Variants in PSMG2 observed in about 807,000 individuals in gnomAD.
The protein encoded by PSMG2 is CD40 ligand-activated specific transcript 3.
Under a neutral mutation model 31.5 loss-of-function variants are expected in PSMG2, and 21 were observed. The ratio of observed to expected loss-of-function variants is 0.67; its 90% CI spans 0.47 to 0.96. PSMG2 has a LOEUF of 0.96. Among genes scored for constraint, PSMG2 ranks in the 40% least tolerant of loss-of-function variants. The probability of loss-of-function intolerance (pLI) is 0.00; values close to 1 mark genes in which losing one functional copy is unlikely to be tolerated. For missense variants in PSMG2, 318 were observed against 321.2 expected (o/e 0.99, Z 0.08); for synonymous variants, 120 against 110.4 (o/e 1.09, Z -0.54).
At chr18:12,707,281 T>C (rs2040278750) in intron 2 of PSMG2, among the ~76,000 whole-genome samples, 1 of 152,168 alleles carries the variant, frequency 6.6e-6, no homozygotes, top group South Asian at 2.1e-4. Flanking sequence ...TTTCTAGAAT[T>C]TTTAAATTTC....
Position 12,676,077 on chromosome 18 carries a change from T to A in PSMG2, c.-37+17304T>A, listed in dbSNP as rs559682009. 2.8e-4 allele frequency among the ~76,000 whole-genome samples: 43 copies of A among 152,270 alleles called. No individual in the cohort carries two copies. The South Asian group carries it at 4.6e-3, about 16-fold the overall frequency. ...TTCTCAAAATTCTAGATATTTTGAT[T>A]ATCATAATGGATCTTTGGTATTTCC... On this transcript the variant is annotated intron_variant, in intron 1 of 6. Coordinates refer to the PSMG2 transcript ENST00000585331.
chr18:12,668,587 G>A (rs2038853001), intron 1 of PSMG2, among the ~76,000 whole-genome samples: 1 of 64,944 alleles, frequency 1.5e-5, no homozygotes, highest in Non-Finnish European at 2.7e-5. Flanking sequence ...GACAGAGTAA[G>A]ATTCCATCTC....
chr18:12,686,180 A>G, intron 1 of PSMG2: 1 of 1,156,090 alleles, frequency 8.6e-7, no homozygotes, highest in Non-Finnish European at 1.2e-6. Context: ...GCATTTTTCT[A>G]AGGCATTCTT....
At chr18:12,719,388 TTTTA>T (rs1007798160) in intron 4 of PSMG2, among the ~76,000 whole-genome samples, 6 of 152,192 alleles carry the variant, frequency 3.9e-5, no homozygotes, top group African/African-American at 9.7e-5. Context: ...AAGATGTAGC[TTTTA>T]TTTATTTATT....
chr18:12,661,592 T>C (rs1739040178), intron 1 of PSMG2, among the ~76,000 whole-genome samples: 1 of 151,896 alleles, frequency 6.6e-6, no homozygotes, highest in Admixed American at 6.6e-5. Flanking sequence ...GCCAACATGG[T>C]GAAACCTCGT....
At chr18:12,667,304 A>G (rs1279878296) in intron 1 of PSMG2, among the ~76,000 whole-genome samples, 2 of 152,280 alleles carry the variant, frequency 1.3e-5, no homozygotes, top group African/African-American at 2.4e-5. Context: ...AAAAATTTTA[A>G]AAGTTAGCTG....
At chr18:12,720,400 A>G in intron 4 of PSMG2, 110 bp from the exon 5 acceptor site, 1 of 842,800 alleles carries the variant, frequency 1.2e-6, no homozygotes, top group Non-Finnish European at 1.7e-6. Context: ...GTCTGCTGAA[A>G]CTTGTGTTTT....
At chr18:12,720,440 G>A in intron 4 of PSMG2, 70 bp from the exon 5 acceptor site, 1 of 1,298,524 alleles carries the variant, frequency 7.7e-7, no homozygotes, top group Non-Finnish European at 1.0e-6. Context: ...TGGAGACCAA[G>A]AGAATTTTAG....
intron 1 of PSMG2, chr18:12,686,516 T>C: frequency 8.8e-7 from 1 of 1,131,542 alleles, no homozygotes; most frequent in Non-Finnish European, 1.3e-6. Flanking sequence ...TTTTTTCAAA[T>C]ACATTAATGT....
chr18:12,663,157 C>T (rs1369678403), intron 1 of PSMG2, among the ~76,000 whole-genome samples: 1 of 152,176 alleles, frequency 6.6e-6, no homozygotes, highest in African/African-American at 2.4e-5. Flanking sequence ...TTTCCTATAA[C>T]ACAAACTTTC....
intron 1 of PSMG2, among the ~76,000 whole-genome samples, chr18:12,677,115 T>C (rs1367723114): frequency 6.6e-6 from 1 of 152,176 alleles, no homozygotes; most frequent in African/African-American, 2.4e-5. Context: ...TTTTATGTCT[T>C]CTTAAAAGCA....
rs188081356 is a variant in PSMG2, at chr18:12,709,792, G to A, written c.230-2910G>A. 9.4e-4 allele frequency among the ~76,000 whole-genome samples: 143 copies of A among 151,966 alleles called. 1 individual carries two copies. The highest frequency in any genetic ancestry group is 3.2e-3 in the African/African-American group (132 of 41,458). On this transcript the variant is annotated intron_variant, in intron 2 of 6. Transcript: ENST00000317615. ...TGGGATTACAGGCGTGAGCCACCAC[G>A]CCTGGCCTAATTTTTGTATTTTTAG... is the stretch of plus-strand genomic sequence containing the variant.
intron 2 of PSMG2, among the ~76,000 whole-genome samples, chr18:12,706,923 G>A (rs1335093139): frequency 6.6e-6 from 1 of 152,022 alleles, no homozygotes; most frequent in Non-Finnish European, 1.5e-5. Context: ...CAAGTCTTAC[G>A]AAGGTTGAGA....
At chr18:12,673,646 G>A (rs1039663898) in intron 1 of PSMG2, 46 of 541,964 alleles carry the variant, frequency 8.5e-5, no homozygotes, top group African/African-American at 7.7e-4. Flanking sequence ...TTGGGAGGCC[G>A]AGACAGGTGG....
chr18:12,720,255 T>C (rs1310792059), intron 4 of PSMG2, among the ~76,000 whole-genome samples: 1 of 152,204 alleles, frequency 6.6e-6, no homozygotes, highest in Non-Finnish European at 1.5e-5. Flanking sequence ...ACAAAAGACA[T>C]TACAGGCTTC....
At chr18:12,698,197 A>G (rs1047210360), upstream of PSMG2, among the ~76,000 whole-genome samples, 2 of 151,588 alleles carry the variant, frequency 1.3e-5, no homozygotes, top group African/African-American at 4.8e-5. Flanking sequence ...AAAATTTATT[A>G]GAAGTTTTTA....
At chr18:12,689,773 T>C (rs1332897440) in intron 1 of PSMG2, among the ~76,000 whole-genome samples, 1 of 151,900 alleles carries the variant, frequency 6.6e-6, no homozygotes, top group African/African-American at 2.4e-5. Context: ...TTTATATATA[T>C]ATATATGTAT....
At chr18:12,712,331 AAG>A (rs543861571) in intron 2 of PSMG2, among the ~76,000 whole-genome samples, 167 of 90,166 alleles carry the variant, frequency 1.9e-3, no homozygotes, top group African/African-American at 4.7e-3. Flanking sequence ...TCTGGAGACA[AAG>A]AGGGGAGAAT....
intron 2 of PSMG2, among the ~76,000 whole-genome samples, chr18:12,709,075 T>C (rs2040300905): frequency 6.6e-6 from 1 of 151,338 alleles, no homozygotes; most frequent in Non-Finnish European, 1.5e-5. Context: ...TGAGACAGTC[T>C]CGCCCTGTTG....
Sources: allele counts gnomAD v4.1 joint callset (sites outside exome capture counted in the v4.1 genomes callset), GRCh38; gene constraint gnomAD v4.1.1; transcripts MANE v1.5; gene names NCBI Gene and HGNC (gene_info 2026-07-23, HGNC 2026-07-21).